PCDHGA8: variants seen among roughly 807,000 people sequenced by gnomAD.
PCDHGA8 encodes protocadherin gamma subfamily A, 8.
In PCDHGA8, 45 loss-of-function variants were observed where a neutral mutation model predicts 59.2. That is an observed-to-expected ratio of 0.76 (90% CI 0.60 to 0.98). The LOEUF is 0.98. PCDHGA8 is among the 50% of genes least tolerant of loss of function. The pLI is 0.00. For missense variants in PCDHGA8, 1,257 were observed against 1,196.2 expected (o/e 1.05, Z -0.75); for synonymous variants, 531 against 519.0 (o/e 1.02, Z -0.32).
chr5:141,470,622 A>G (rs1323376824), intron 1 of PCDHGA8, among the ~76,000 whole-genome samples: 6 of 152,336 alleles, frequency 3.9e-5, no homozygotes, highest in Admixed American at 6.5e-5. Flanking sequence ...CTTCATGCTT[A>G]GATAGGCCCC....
rs192747939 is a variant in PCDHGA8 at position 141,487,483 on chromosome 5, T to A, written c.2425-7324T>A. ...TTGTTGATGTGGGAGGCCACTCTCA[T>A]GGCTGTACACCCTTGGCTTCTGCAC... On this transcript the variant is annotated intron_variant, in intron 1 of 3. Transcript: ENST00000398604. This position sits in a 1 kb window ranked among gnomAD's most constrained non-coding sequence, Gnocchi z 5.0. 1 of 1,614,224 alleles carries A rather than the reference T, an allele frequency of 6.2e-7. No individual in the cohort carries two copies. The highest frequency in any genetic ancestry group is 1.1e-5 in the South Asian group (1 of 91,084).
rs1481706003 is a variant in PCDHGA8, at chr5:141,491,416, G to A, written c.2425-3391G>A. On this transcript the variant is annotated intron_variant, in intron 1 of 3. Transcript: ENST00000398604. This position sits in a 1 kb window ranked among gnomAD's most constrained non-coding sequence, Gnocchi z 6.9. ...TCAGGGAAACGCAGACGGGGACGGG[G>A]GTGGAGGGCAGTGCTGCAGGCGCCA... 3 of 1,614,138 alleles carry A rather than the reference G, an allele frequency of 1.9e-6. No homozygotes were observed. The highest frequency in any genetic ancestry group is 2.2e-5 in the East Asian group (1 of 44,874).
At chr5:141,508,859 G>C (rs1268915304) in intron 3 of PCDHGA8, among the ~76,000 whole-genome samples, 1 of 152,086 alleles carries the variant, frequency 6.6e-6, no homozygotes, top group Non-Finnish European at 1.5e-5. Flanking sequence ...CCCAGGCTGG[G>C]AAAGGCTGAA....
At chr5:141,458,567 TTTTGTTTG>T (rs144471304) in intron 1 of PCDHGA8, among the ~76,000 whole-genome samples, 1 of 151,488 alleles carries the variant, frequency 6.6e-6, no homozygotes, top group Non-Finnish European at 1.5e-5. Flanking sequence ...GGTTTTGGGT[TTTTGTTTG>T]TTTGTTTGTT....
At chr5:141,451,653 G>A (rs1440576814) in intron 1 of PCDHGA8, among the ~76,000 whole-genome samples, 2 of 152,166 alleles carry the variant, frequency 1.3e-5, no homozygotes, top group Non-Finnish European at 2.9e-5. Context: ...AGGCCAAGGA[G>A]GGTGGACTGC....
intron 2 of PCDHGA8, among the ~76,000 whole-genome samples, chr5:141,500,324 T>G (rs1165047676): frequency 6.6e-6 from 1 of 151,994 alleles, no homozygotes; most frequent in African/African-American, 2.4e-5. Flanking sequence ...TGCTCCTGCC[T>G]CAGCCTCCAG....
chr5:141,432,992 G>A lies in PCDHGA8; in HGVS notation c.2424+37755G>A, dbSNP rs777975384. On this transcript the variant is annotated intron_variant, in intron 1 of 3. Coordinates refer to ENST00000398604, the MANE Select transcript of PCDHGA8 (RefSeq NM_032088.2). The surrounding 1 kb of genome is among the most constrained non-coding windows in gnomAD (Gnocchi z 6.0). The stretch of plus-strand genomic sequence containing the variant: ...GGCGTCGCACTTTGTGGGCGTGGAC[G>A]GGGTGCAGGCTTTCCTGCAGACCTA... 1.9e-6 allele frequency: 3 copies of A among 1,614,174 alleles called. No homozygotes were observed. In the Admixed American group the frequency reaches 5.0e-5, roughly 27 times the overall value.
At chr5:141,400,411 T>G in intron 1 of PCDHGA8, 1 of 1,614,062 alleles carries the variant, frequency 6.2e-7, no homozygotes, top group Non-Finnish European at 8.5e-7. Flanking sequence ...GGAGTTTAAT[T>G]TCCTAAAATG....
At chr5:141,403,083 T>A (rs775664314) in intron 1 of PCDHGA8, 2 of 1,613,932 alleles carry the variant, frequency 1.2e-6, no homozygotes, top group East Asian at 4.5e-5. Flanking sequence ...AAGGGCTATA[T>A]TGTGGGCAAC....
chr5:141,422,777 C>CCCTACAAT, intron 1 of PCDHGA8: 2 of 1,613,982 alleles, frequency 1.2e-6, no homozygotes, highest in Non-Finnish European at 1.7e-6. Context: ...GTTCTCTATG[C>CCCTACAAT]CCTACAATCC....
Position 141,476,085 on chromosome 5 carries a change from G to C in PCDHGA8, c.2425-18722G>C, listed in dbSNP as rs1163057402. On this transcript the variant is annotated intron_variant, in intron 1 of 3. Coordinates refer to ENST00000398604, the MANE Select transcript of PCDHGA8 (RefSeq NM_032088.2). This position sits in a 1 kb window ranked among gnomAD's most constrained non-coding sequence, Gnocchi z 7.6. ...TCAGCGAAATCTCAGGGACGATCTG[G>C]ACCCCGCTGAGAGGAACTGCTTTTG... 1.3e-6 allele frequency: 2 copies of C among 1,551,682 alleles called. No individual in the cohort carries two copies. Among genetic ancestry groups the C allele is most frequent in the East Asian group, 2.3e-5 (1 of 44,392 alleles).
At chr5:141,480,828 TAAGATC>T (rs1054950452) in intron 1 of PCDHGA8, among the ~76,000 whole-genome samples, 22 of 152,260 alleles carry the variant, frequency 1.4e-4, no homozygotes, top group African/African-American at 5.1e-4. Context: ...GGGTGGATCA[TAAGATC>T]AGGAGTTTGA....
intron 1 of PCDHGA8, chr5:141,442,166 A>G (rs2098306007): frequency 6.4e-6 from 1 of 156,354 alleles, no homozygotes; most frequent in Non-Finnish European, 1.4e-5. Flanking sequence ...TCACTCTGCA[A>G]AGCTACAGCC....
At position 141,392,900 on chromosome 5, in the gene PCDHGA8, A is replaced by G; in HGVS notation, c.87A>G (p.Gly29=). The G allele has an allele frequency of 6.2e-7, 1 of 1,613,714 alleles. No homozygotes were observed. The highest frequency in any genetic ancestry group is 8.5e-7 in the Non-Finnish European group (1 of 1,179,874). ...GAACGCTGTGGGAAATCGGGAGGGG[A>G]CAGATTCGCTACTCTGTGCCAGAAG... ...LLGTLWEIGR[G]QIRYSVPEET... is the part of the protein sequence containing the mutation. The change falls in exon 1 of 4, where the codon GGA becomes GGG. Residue 29 remains glycine (G), a synonymous_variant. Transcript: ENST00000398604.
intron 1 of PCDHGA8, among the ~76,000 whole-genome samples, chr5:141,437,499 CA>C (rs2097890101): frequency 6.6e-6 from 1 of 152,076 alleles, no homozygotes; most frequent in African/African-American, 2.4e-5. Context: ...GATCACTTTT[CA>C]ATGAATTATA....
intron 1 of PCDHGA8, chr5:141,422,206 G>A (rs1269700250): frequency 6.4e-7 from 1 of 1,562,324 alleles, no homozygotes; most frequent in Non-Finnish European, 8.6e-7. Flanking sequence ...AGATGGTGGA[G>A]GTCTCTTTAC....
chr5:141,504,496 G>C (rs2099838771), intron 2 of PCDHGA8, among the ~76,000 whole-genome samples: 1 of 152,100 alleles, frequency 6.6e-6, no homozygotes, highest in Non-Finnish European at 1.5e-5. Flanking sequence ...CACCTGCCCA[G>C]TCTGAGTGGA....
chr5:141,396,922 C>T lies in PCDHGA8; in HGVS notation c.2424+1685C>T, dbSNP rs576253766. Among the ~76,000 whole-genome samples, 68 of 152,290 alleles carry T rather than the reference C, an allele frequency of 4.5e-4. 1 individual carries two copies. The highest frequency in any genetic ancestry group is 1.5e-3 in the African/African-American group (61 of 41,560). ...TTGGCACTTTGCAATTTTAAAAACT[C>T]GGATGAAAGTTGCCCTGGTAGGAAA... On this transcript the variant is annotated intron_variant, in intron 1 of 3. Transcript: ENST00000398604.
chr5:141,414,318 G>A (rs1212643655), intron 1 of PCDHGA8: 1 of 1,613,772 alleles, frequency 6.2e-7, no homozygotes, highest in Non-Finnish European at 8.5e-7. Context: ...TAGACTCTGA[G>A]CAGAATGGAC....
Sources: gnomAD v4.1 joint callset for allele counts (sites outside exome capture counted in the v4.1 genomes callset) on GRCh38, gnomAD v4.1.1 for gene constraint, Gnocchi (gnomAD v3.1) non-coding constraint, MANE v1.5 for transcripts, NCBI Gene and HGNC (gene_info 2026-07-23, HGNC 2026-07-21) for gene names.